Variants in NARF observed in about 807,000 individuals in gnomAD.
NARF encodes the protein iron-only hydrogenase-like protein 2.
A neutral mutation model predicts 48.0 loss-of-function variants in NARF; 41 were observed. That is an observed-to-expected ratio of 0.85 (90% CI 0.66 to 1.11). The LOEUF is 1.11. NARF is among the 50% of genes least tolerant of loss of function. The probability of loss-of-function intolerance (pLI) is 0.00; values close to 1 mark genes in which losing one functional copy is unlikely to be tolerated. For synonymous variants in NARF, 215 were observed against 225.5 expected (o/e 0.95, Z 0.42); for missense variants, 613 against 590.2 (o/e 1.04, Z -0.40).
At chr17:82,481,435 A>G (rs1261194212) in intron 7 of NARF, among the ~76,000 whole-genome samples, 3 of 152,088 alleles carry the variant, frequency 2.0e-5, no homozygotes, top group Non-Finnish European at 4.4e-5. Context: ...CTTCCTCAAG[A>G]TAAATCAGGT....
intron 5 of NARF, among the ~76,000 whole-genome samples, chr17:82,478,141 G>A (rs1191240452): frequency 1.3e-5 from 2 of 152,164 alleles, no homozygotes; most frequent in Non-Finnish European, 2.9e-5. Flanking sequence ...GTACGCCTGC[G>A]GGAAAGGAGT....
intron 2 of NARF, 43 bp from the exon 3 acceptor site, chr17:82,464,244 G>T: frequency 1.9e-6 from 3 of 1,598,774 alleles, no homozygotes; most frequent in Non-Finnish European, 2.6e-6. Flanking sequence ...GCACATTAAA[G>T]AGTATTTGTT....
At chr17:82,458,576 C>T (rs554746545), upstream of NARF, 3 of 511,810 alleles carry the variant, frequency 5.9e-6, no homozygotes, top group Admixed American at 4.4e-5. Flanking sequence ...CCCGCCCCTT[C>T]CCGACACTGT....
intron 3 of NARF, among the ~76,000 whole-genome samples, chr17:82,465,193 A>C (rs1222281502): frequency 6.6e-6 from 1 of 152,140 alleles, no homozygotes; most frequent in African/African-American, 2.4e-5. Context: ...GGACTCACTC[A>C]CTATCATGAG....
chr17:82,481,938 G>A (rs926887980), intron 7 of NARF: 8 of 321,114 alleles, frequency 2.5e-5, no homozygotes, highest in East Asian at 1.1e-4. Flanking sequence ...AAAAAGGCAC[G>A]TTTGCTCCAG....
At chr17:82,473,255 G>C (rs1457591565) in intron 5 of NARF, among the ~76,000 whole-genome samples, 2 of 147,032 alleles carry the variant, frequency 1.4e-5, no homozygotes, top group African/African-American at 5.0e-5. Flanking sequence ...CAGATCTCTT[G>C]AGCCCAGGAG....
Position 82,478,813 on chromosome 17 carries a change from C to T in NARF, c.534C>T (p.Tyr178=), listed in dbSNP as rs374759625. ...TTCTCTCCCCAGGCTGGGTCCGATA[C>T]GCCGAGCGGGTGCTGGGTCGCCCCA... is the stretch of plus-strand genomic sequence containing the variant. The part of the protein sequence containing the change: ...LTSACPGWVR[Y]AERVLGRPIT... Residue 178 remains tyrosine, a synonymous_variant, in exon 6 of 11, where the codon TAC becomes TAT. Coordinates refer to ENST00000309794, the MANE Select transcript of NARF (RefSeq NM_012336.4). 5.0e-5 allele frequency: 80 copies of T among 1,613,486 alleles called. No homozygotes were observed. The East Asian group carries it at 5.8e-4, about 12-fold the overall frequency.
chr17:82,485,554 T>C lies in NARF; in HGVS notation c.1029T>C (p.Phe343=). ...LEKNGEVVLR[F]AAAYGFRNIQ... is the part of the protein sequence containing the mutation. ...AGAACGGAGAGGTGGTGTTACGCTT[T>C]GCTGCAGCCTATGGCTTTCGAAACA... is the stretch of plus-strand genomic sequence containing the variant. Residue 343 remains phenylalanine, a synonymous_variant, in exon 10 of 11, where the codon TTT becomes TTC. Coordinates refer to ENST00000309794, the MANE Select transcript of NARF (RefSeq NM_012336.4). 1.2e-6 allele frequency: 2 copies of C among 1,614,248 alleles called. No individual in the cohort carries two copies. The highest frequency in any genetic ancestry group is 1.7e-6 in the Non-Finnish European group (2 of 1,180,046).
At chr17:82,486,134 G>T (rs1297116773) in intron 10 of NARF, among the ~76,000 whole-genome samples, 1 of 152,172 alleles carries the variant, frequency 6.6e-6, no homozygotes, top group East Asian at 1.9e-4. Context: ...GGCCACTGTG[G>T]GCTGTGATCA....
rs2043953275 is a variant in NARF, at chr17:82,481,079, C to T, written c.640-3C>T. 2 of 1,614,146 alleles carry T rather than the reference C, an allele frequency of 1.2e-6. No homozygotes were observed. Among genetic ancestry groups the T allele is most frequent in the African/African-American group, 1.3e-5 (1 of 75,064 alleles). Reference sequence around the variant, plus strand: ...CCTAAATATGGGTGCCCCTCTCCCACAGAACCTGTCTCCAGAGAAGATTTT... The same window carrying T: ...CCTAAATATGGGTGCCCCTCTCCCATAGAACCTGTCTCCAGAGAAGATTTT... On this transcript the variant is annotated splice_region_variant and splice_polypyrimidine_tract_variant and intron_variant, in intron 6 of 10. Coordinates refer to ENST00000309794, the MANE Select transcript of NARF (RefSeq NM_012336.4).
intron 9 of NARF, 147 bp from the exon 10 acceptor site, chr17:82,485,350 G>A: frequency 1.2e-6 from 1 of 826,034 alleles, no homozygotes; most frequent in Non-Finnish European, 1.9e-6. Flanking sequence ...GAACCCGGGA[G>A]GCAGAGGTTG....
At chr17:82,482,268 G>T in intron 7 of NARF, 1 of 430,690 alleles carries the variant, frequency 2.3e-6, no homozygotes, top group South Asian at 1.6e-5. Context: ...GCACGCAGAC[G>T]CCTCTGGAAA....
At chr17:82,471,600 G>C (rs2043708028) in intron 4 of NARF, among the ~76,000 whole-genome samples, 1 of 148,484 alleles carries the variant, frequency 6.7e-6, no homozygotes, top group South Asian at 2.1e-4. Flanking sequence ...AGACCATCCT[G>C]GCTAACACGG....
At chr17:82,462,488 G>A (rs2043461997) in intron 2 of NARF, 1 of 152,590 alleles carries the variant, frequency 6.6e-6, no homozygotes. Flanking sequence ...GAGAGCCTAG[G>A]CAGAGGTGGT....
chr17:82,483,418 A>T (rs2044020047), intron 7 of NARF: 1 of 361,676 alleles, frequency 2.8e-6, no homozygotes, highest in Admixed American at 4.5e-5. Context: ...AAGTAGGCCA[A>T]AAAAGTTTAC....
chr17:82,475,221 C>T (rs2043806020), intron 5 of NARF, among the ~76,000 whole-genome samples: 1 of 152,176 alleles, frequency 6.6e-6, no homozygotes, highest in South Asian at 2.1e-4. Flanking sequence ...GTCACACTTG[C>T]TTAGTTCCAC....
At chr17:82,467,423 T>A (rs974799249) in intron 3 of NARF, among the ~76,000 whole-genome samples, 10 of 152,252 alleles carry the variant, frequency 6.6e-5, no homozygotes, top group African/African-American at 2.4e-4. Context: ...AGTATTTTTT[T>A]AGAACAGTTT....
In NARF at chr17:82,490,237, C is replaced by A. The variant is rs1191304095; in HGVS notation, c.*2080C>A. On this transcript the variant is annotated 3_prime_UTR_variant, in exon 11 of 11. Transcript: ENST00000309794. ...ATGCAGCTGTACCCTAGGGCTCCTCCCAGGAAAAGAGAGATGTCAACGTGG... is the reference window on the plus strand; with the variant it reads ...ATGCAGCTGTACCCTAGGGCTCCTCACAGGAAAAGAGAGATGTCAACGTGG... 2 of 152,178 alleles carry A rather than the reference C, an allele frequency of 1.3e-5. No homozygotes were observed. Among genetic ancestry groups the A allele is most frequent in the African/African-American group, 4.8e-5 (2 of 41,406 alleles). The allele number at this position is 152,178 out of a possible 1,614,324, so 9.4% of individuals were successfully genotyped here.
rs1346041781 is a variant in NARF, at chr17:82,489,234, A to G, written c.*1077A>G. On this transcript the variant is annotated 3_prime_UTR_variant, in exon 11 of 11. Transcript: ENST00000309794. ...CACAGCCAGTCACCACCCTCCTCCC[A>G]TTCCTCACAGCCAGTCACCACCCTC... The G allele has an allele frequency of 2.0e-5, 3 of 151,166 alleles. No homozygotes were observed. Among genetic ancestry groups the G allele is most frequent in the Non-Finnish European group, 4.1e-5 (3 of 73,860 alleles). 9.4% of individuals were successfully genotyped at this position (151,166 alleles called of 1,614,324 possible).
Sources: allele counts gnomAD v4.1 joint callset (sites outside exome capture counted in the v4.1 genomes callset), GRCh38; gene constraint gnomAD v4.1.1; transcripts MANE v1.5; gene names NCBI Gene and HGNC (gene_info 2026-07-23, HGNC 2026-07-21).